Variants in PDLIM2 observed in about 807,000 individuals in gnomAD.
PDLIM2 encodes PDZ and LIM domain protein 2.
In PDLIM2, 51 loss-of-function variants were observed where a neutral mutation model predicts 54.1. That is an observed-to-expected ratio of 0.94 (90% CI 0.75 to 1.19). PDLIM2 has a LOEUF of 1.19. Among genes scored for constraint, PDLIM2 ranks in the 50% most tolerant of loss-of-function variants. The pLI, the probability that PDLIM2 is intolerant of heterozygous loss-of-function variation, is 0.00. For missense variants in PDLIM2, 912 were observed against 874.0 expected, an observed-to-expected ratio of 1.04 and a Z score of -0.55; for synonymous variants, 398 against 385.6, an observed-to-expected ratio of 1.03 and a Z score of -0.38.
rs562482334 is a variant in PDLIM2, at chr8:22,581,082, C to T, written c.844-297C>T. 1.2e-4 allele frequency: 83 copies of T among 674,212 alleles called. No homozygotes were observed. In the African/African-American group the frequency reaches 1.4e-3, roughly 11 times the overall value. 41.8% of individuals were successfully genotyped at this position (674,212 alleles called of 1,614,324 possible). A position where few individuals can be genotyped will look rare whatever the true frequency, so the allele number is the denominator to read the frequency against. Reference sequence around the variant, plus strand: ...TGTGCAGGCAGCCACCTGCAAGGTGCGATTTGCACGGGCAAGGCTCTCTAT... The same window carrying T: ...TGTGCAGGCAGCCACCTGCAAGGTGTGATTTGCACGGGCAAGGCTCTCTAT... On this transcript the variant is annotated intron_variant, in intron 2 of 9. Coordinates refer to ENST00000308354, the Ensembl canonical transcript of PDLIM2.
At chr8:22,592,947 C>T (rs1800595408) in intron 9 of PDLIM2, 1 of 152,240 alleles carries the variant, frequency 6.6e-6, no homozygotes, top group South Asian at 2.1e-4. Flanking sequence ...CGTCATGGCT[C>T]ACTGCAGCCC....
chr8:22,585,579 C>T lies in PDLIM2; in HGVS notation c.1290+180C>T, dbSNP rs556545780. The T allele has an allele frequency of 8.7e-4, 546 of 624,288 alleles. 3 individuals are homozygous for T. The African/African-American group carries it at 9.6e-3, about 11-fold the overall frequency. The allele number at this position is 624,288 out of a possible 1,614,324, so 38.7% of individuals were successfully genotyped here. On this transcript the variant is annotated intron_variant, in intron 6 of 9. Coordinates refer to ENST00000308354, the Ensembl canonical transcript of PDLIM2. ...AGGCCATGCTTCTGGTCGTGGGCCA[C>T]CTGTGCTGTGCCCAAGACCTGCCCA... is the stretch of plus-strand genomic sequence containing the variant.
chr8:22,588,889 AG>A (rs1239437362), intron 6 of PDLIM2: 2 of 260,216 alleles, frequency 7.7e-6, no homozygotes, highest in East Asian at 1.4e-4. Flanking sequence ...TCAGTGCAAA[AG>A]GGCAGCGTGC....
intron 6 of PDLIM2, among the ~76,000 whole-genome samples, chr8:22,586,596 G>C (rs955008701): frequency 7.2e-5 from 11 of 152,018 alleles, no homozygotes; most frequent in African/African-American, 2.7e-4. Flanking sequence ...TATTGGGGCT[G>C]GGGGATTTTT....
chr8:22,589,196 G>A, intron 6 of PDLIM2, 102 bp from the exon 6 acceptor site: 2 of 1,290,512 alleles, frequency 1.5e-6, no homozygotes, highest in Non-Finnish European at 2.2e-6. Context: ...AGGGCCGGGG[G>A]CCCCCTGGTG....
At chr8:22,591,588 C>G (rs1218793791) in exon 9 of PDLIM2, 4 of 1,613,602 alleles carry the variant, frequency 2.5e-6, no homozygotes, top group Non-Finnish European at 3.4e-6. Context: ...CACTGAGCCC[C>G]CAGTCCTCCC....
chr8:22,586,837 T>A (rs139575900), intron 6 of PDLIM2, among the ~76,000 whole-genome samples: 8 of 152,296 alleles, frequency 5.3e-5, no homozygotes, highest in African/African-American at 1.9e-4. Flanking sequence ...CGGCAACACC[T>A]GAGAACTTGT....
At chr8:22,593,953 A>T (rs1244661537) in exon 10 of PDLIM2, 3 of 1,529,608 alleles carry the variant, frequency 2.0e-6, no homozygotes, top group African/African-American at 1.4e-5. Context: ...GGCCAGGGTC[A>T]TGCCTATATA....
At position 22,589,753 on chromosome 8, in the gene PDLIM2, G is replaced by C. The variant is rs1800486954; in HGVS notation, c.1513+12G>C. On this transcript the variant is annotated intron_variant, in intron 8 of 9. Transcript: ENST00000308354. ...GGCTGAGGAGAGAGGTGAGGGTCTG[G>C]GGGGCTGGGGAGGGGAAGGAGGTTC... is the stretch of plus-strand genomic sequence containing the variant. 1 of 1,559,440 alleles carries C rather than the reference G, an allele frequency of 6.4e-7. No individual in the cohort carries two copies. Among genetic ancestry groups the C allele is most frequent in the Non-Finnish European group, 8.7e-7 (1 of 1,151,464 alleles).
chr8:22,589,593 C>A lies in PDLIM2; in HGVS notation c.1368-3C>A. On this transcript the variant is annotated splice_region_variant and splice_polypyrimidine_tract_variant and intron_variant, in intron 7 of 9. Transcript: ENST00000308354. Reference sequence around the variant, plus strand: ...TCATTCCTGGCTGCCTCCCACCCTGCAGCATGGACTCGGAAGGGGGAAGCC... The same window carrying A: ...TCATTCCTGGCTGCCTCCCACCCTGAAGCATGGACTCGGAAGGGGGAAGCC... 6.2e-7 allele frequency: 1 copy of A among 1,601,658 alleles called. No homozygotes were observed. Among genetic ancestry groups the A allele is most frequent in the Non-Finnish European group, 8.5e-7 (1 of 1,174,676 alleles).
In PDLIM2 at chr8:22,589,341, C is replaced by T. The variant is rs767080093; in HGVS notation, c.1334C>T (p.Pro445Leu). ...GGCGACTCGGCGGTGCTGGTGCTGC[C>T]GCCTTCCCCGGGCCCTCGTTCCTCC... The change falls in exon 7 of 10, where the codon CCG becomes CTG. Residue 445 changes from proline to leucine, a missense_variant. By Grantham distance (98) the Pro-to-Leu change is moderately conservative. Coordinates refer to ENST00000308354, the Ensembl canonical transcript of PDLIM2. 2.8e-5 allele frequency: 43 copies of T among 1,534,294 alleles called. No individual in the cohort carries two copies. The highest frequency in any genetic ancestry group is 2.3e-4 in the Middle Eastern group (1 of 4,408).
intron 6 of PDLIM2, among the ~76,000 whole-genome samples, chr8:22,585,977 C>T (rs1057494038): frequency 6.6e-6 from 1 of 152,062 alleles, no homozygotes; most frequent in Non-Finnish European, 1.5e-5. Flanking sequence ...CTGGTGACAG[C>T]CTAACCCCCT....
intron 6 of PDLIM2, 128 bp downstream of exon 5, chr8:22,585,527 C>A: frequency 1.1e-6 from 1 of 895,428 alleles, no homozygotes; most frequent in Non-Finnish European, 1.7e-6. Context: ...CTCCTGGCCA[C>A]AGGCATGCTC....
Position 22,589,880 on chromosome 8 carries a change from G to A in PDLIM2, c.1513+139G>A, listed in dbSNP as rs1439536295. ...GACTAGGCACGGAGCCGAGCAGAGCGCGAAGCCCCAGCCCCTGCCCATAAG... is the reference window on the plus strand; with the variant it reads ...GACTAGGCACGGAGCCGAGCAGAGCACGAAGCCCCAGCCCCTGCCCATAAG... On this transcript the variant is annotated intron_variant, in intron 8 of 9. Coordinates refer to ENST00000308354, the Ensembl canonical transcript of PDLIM2. 15 of 1,238,942 alleles carry A rather than the reference G, an allele frequency of 1.2e-5. No individual in the cohort carries two copies. In the South Asian group the frequency reaches 1.2e-4, roughly 10 times the overall value. 76.7% of individuals were successfully genotyped at this position (1,238,942 alleles called of 1,614,324 possible).
In PDLIM2 at chr8:22,585,278, C is replaced by T. The variant is rs760079613; in HGVS notation, c.1212-43C>T. 31 of 1,606,948 alleles carry T rather than the reference C, an allele frequency of 1.9e-5. No individual in the cohort carries two copies. In the South Asian group the frequency reaches 3.0e-4, roughly 15 times the overall value. On this transcript the variant is annotated intron_variant, in intron 5 of 9. Coordinates refer to ENST00000308354, the Ensembl canonical transcript of PDLIM2. The stretch of plus-strand genomic sequence containing the variant: ...CGGGGCAGCATCCTCCCTGGGCAGG[C>T]TGGGGGTGGCCCTGGCACACACTGT...
chr8:22,597,367 C>T (rs974474981), downstream of PDLIM2: 16 of 152,342 alleles, frequency 1.1e-4, no homozygotes, highest in African/African-American at 3.6e-4. Flanking sequence ...TGGGTCAGAT[C>T]CTGCCCCCGT....
exon 1 of PDLIM2, chr8:22,579,316 C>G (rs546407581): frequency 3.4e-5 from 48 of 1,424,878 alleles, no homozygotes; most frequent in Non-Finnish European, 4.3e-5. Flanking sequence ...ACCCTGGCCT[C>G]GTCCGCGGCC....
intron 6 of PDLIM2, among the ~76,000 whole-genome samples, chr8:22,586,913 G>C (rs1013968785): frequency 1.3e-5 from 2 of 152,156 alleles, no homozygotes; most frequent in African/African-American, 2.4e-5. Flanking sequence ...TGTGGGTCAC[G>C]AGCCCAGAGC....
At chr8:22,589,367 A>C (rs1319282530) in exon 7 of PDLIM2, 11 of 1,534,912 alleles carry the variant, frequency 7.2e-6, no homozygotes, top group Non-Finnish European at 9.6e-6. Context: ...TCGTTCCTCC[A>C]GGCCCAGGTA....
Sources: gnomAD v4.1 joint callset for allele counts (sites outside exome capture counted in the v4.1 genomes callset) on GRCh38, gnomAD v4.1.1 for gene constraint, MANE v1.5 for transcripts, NCBI Gene and HGNC (gene_info 2026-07-23, HGNC 2026-07-21) for gene names.